LYPD6B: variants seen among roughly 807,000 people sequenced by gnomAD.
The protein encoded by LYPD6B is LY6/PLAUR domain containing 6B.
In LYPD6B, 17 loss-of-function variants were observed where a neutral mutation model predicts 22.8. The observed-to-expected ratio is 0.75, with a 90% CI of 0.51 to 1.12. The LOEUF (loss-of-function observed/expected upper bound fraction) is 1.12, where lower values mean the gene tolerates loss of function less well. Among genes scored for constraint, LYPD6B ranks in the 50% most tolerant of loss-of-function variants. The pLI is 0.00. For missense variants in LYPD6B, 221 were observed against 258.3 expected (o/e 0.86, Z 0.99); for synonymous variants, 106 against 91.6 (o/e 1.16, Z -0.90).
chr2:149,206,397 T>C (rs1293106951), intron 4 of LYPD6B, among the ~76,000 whole-genome samples: 1 of 152,160 alleles, frequency 6.6e-6, no homozygotes, highest in Non-Finnish European at 1.5e-5. Context: ...TATATACACA[T>C]GTATACTATA....
At chr2:149,184,607 C>A (rs1691970636) in intron 3 of LYPD6B, among the ~76,000 whole-genome samples, 2 of 152,218 alleles carry the variant, frequency 1.3e-5, no homozygotes, top group South Asian at 4.2e-4. Context: ...ATTTTATAAC[C>A]AAATAAAGCT....
At chr2:149,083,196 A>G (rs971625696) in intron 1 of LYPD6B, among the ~76,000 whole-genome samples, 1 of 152,242 alleles carries the variant, frequency 6.6e-6, no homozygotes, top group African/African-American at 2.4e-5. Context: ...AGCAGCATAC[A>G]GTTAGCATTT....
chr2:149,201,263 C>T (rs559100328), intron 3 of LYPD6B, among the ~76,000 whole-genome samples: 7 of 152,250 alleles, frequency 4.6e-5, no homozygotes, highest in South Asian at 2.1e-4. Context: ...AACCTGAAGA[C>T]GCTCATAGGT....
intron 2 of LYPD6B, among the ~76,000 whole-genome samples, chr2:149,149,913 G>T (rs1689263592): frequency 1.3e-5 from 2 of 151,974 alleles, no homozygotes; most frequent in African/African-American, 4.8e-5. Flanking sequence ...GTTTCTTTTG[G>T]TATTGACCTC....
rs761852257 is a variant in LYPD6B at position 149,214,724 on chromosome 2, A to G, written c.*14A>G. On this transcript the variant is annotated 3_prime_UTR_variant, in exon 7 of 7. Transcript: ENST00000409642. ...CCATTGCTGTGATGCCACCATTCCTAGGAGAGGCAGAGACCAGCCTCTAAA... is the reference window on the plus strand; with the variant it reads ...CCATTGCTGTGATGCCACCATTCCTGGGAGAGGCAGAGACCAGCCTCTAAA... 2 of 1,613,666 alleles carry G rather than the reference A, an allele frequency of 1.2e-6. No homozygotes were observed. The highest frequency in any genetic ancestry group is 1.1e-5 in the South Asian group (1 of 91,048).
chr2:149,061,781 A>T (rs1008679804), intron 1 of LYPD6B, among the ~76,000 whole-genome samples: 2 of 152,170 alleles, frequency 1.3e-5, no homozygotes, highest in Admixed American at 6.5e-5. Context: ...AGACATTCTT[A>T]TAGGGTATAC....
intron 1 of LYPD6B, among the ~76,000 whole-genome samples, chr2:149,067,169 C>A (rs983691528): frequency 6.6e-6 from 1 of 152,132 alleles, no homozygotes; most frequent in Non-Finnish European, 1.5e-5. Context: ...CCTACTATTC[C>A]TATCACCTGT....
At chr2:149,100,747 A>C (rs1408131092) in intron 1 of LYPD6B, among the ~76,000 whole-genome samples, 1 of 152,226 alleles carries the variant, frequency 6.6e-6, no homozygotes, top group South Asian at 2.1e-4. Flanking sequence ...TATGTAAGCT[A>C]TTGTAAAAGG....
chr2:149,147,256 C>T (rs1475259350), intron 2 of LYPD6B, among the ~76,000 whole-genome samples: 1 of 152,126 alleles, frequency 6.6e-6, no homozygotes, highest in Non-Finnish European at 1.5e-5. Context: ...CATGGTGAAG[C>T]AATTTGAGGA....
chr2:149,146,443 T>C (rs446453), intron 2 of LYPD6B, among the ~76,000 whole-genome samples: 96,623 of 151,958 alleles, frequency 0.64, 30,837 homozygotes, highest in South Asian at 0.75. Flanking sequence ...GAAAGAAGAC[T>C]GTGTGGCCAG....
At chr2:149,211,546 C>G (rs1693852691) in intron 5 of LYPD6B, among the ~76,000 whole-genome samples, 1 of 151,898 alleles carries the variant, frequency 6.6e-6, no homozygotes, top group Admixed American at 6.6e-5. Flanking sequence ...AGTGCACACT[C>G]AGTATGGGTT....
At chr2:149,110,168 T>C (rs1384480802) in intron 1 of LYPD6B, among the ~76,000 whole-genome samples, 2 of 152,220 alleles carry the variant, frequency 1.3e-5, no homozygotes, top group African/African-American at 4.8e-5. Context: ...TGCAGGGTTT[T>C]TTAATTTGCA....
At chr2:149,044,932 A>C (rs6437183) in intron 1 of LYPD6B, among the ~76,000 whole-genome samples, 139,375 of 151,994 alleles carry the variant, frequency 0.92, 65,156 homozygotes, top group East Asian at 1. Flanking sequence ...GTTGAACCAG[A>C]CTTACATTCT....
chr2:149,198,306 T>A (rs1277085120), intron 3 of LYPD6B, among the ~76,000 whole-genome samples: 1 of 152,134 alleles, frequency 6.6e-6, no homozygotes, highest in Non-Finnish European at 1.5e-5. Flanking sequence ...CCTCCCAAAG[T>A]GCTGGGATTA....
chr2:149,212,389 A>AAAC, intron 5 of LYPD6B, among the ~76,000 whole-genome samples: 1 of 150,282 alleles, frequency 6.7e-6, no homozygotes, highest in Non-Finnish European at 1.5e-5. Flanking sequence ...TCAAAAAAAA[A>AAAC]AAAAAAAAAA....
At chr2:149,187,426 A>C (rs1275470164) in intron 3 of LYPD6B, 1 of 1,528,154 alleles carries the variant, frequency 6.5e-7, no homozygotes, top group East Asian at 2.5e-5. Context: ...TATTTTCTAG[A>C]TGTGAAAGGC....
At chr2:149,092,048 AAG>A (rs1290830002) in intron 1 of LYPD6B, among the ~76,000 whole-genome samples, 1 of 151,842 alleles carries the variant, frequency 6.6e-6, no homozygotes, top group African/African-American at 2.4e-5. Context: ...GAAGGAGAGG[AAG>A]AGAGAGGGAG....
intron 1 of LYPD6B, among the ~76,000 whole-genome samples, chr2:149,059,287 A>G (rs1361494453): frequency 6.6e-6 from 1 of 152,212 alleles, no homozygotes; most frequent in Non-Finnish European, 1.5e-5. Context: ...CCTGTGCCAC[A>G]CACTTTCCTC....
chr2:149,110,024 T>C (rs1686683241), intron 1 of LYPD6B, among the ~76,000 whole-genome samples: 1 of 152,160 alleles, frequency 6.6e-6, no homozygotes, highest in African/African-American at 2.4e-5. Flanking sequence ...TTCTTTTCTT[T>C]TAAAAAGATT....
Sources: gnomAD v4.1 joint callset for allele counts (sites outside exome capture counted in the v4.1 genomes callset) on GRCh38, gnomAD v4.1.1 for gene constraint, MANE v1.5 for transcripts, NCBI Gene and HGNC (gene_info 2026-07-23, HGNC 2026-07-21) for gene names.